The following ABHD3 variants were observed in gnomAD, a reference collection of about 807,000 sequenced individuals.
The protein encoded by ABHD3 is phospholipase ABHD3.
In ABHD3, 46 loss-of-function variants were observed where a neutral mutation model predicts 48.8. The ratio of observed to expected loss-of-function variants is 0.94; its 90% CI spans 0.74 to 1.20. The LOEUF is 1.20. Ranked by LOEUF, ABHD3 falls within the 50% of genes most tolerant of loss-of-function variation. The pLI, the probability that ABHD3 is intolerant of heterozygous loss-of-function variation, is 0.00. For synonymous variants in ABHD3, 192 were observed against 183.7 expected, an observed-to-expected ratio of 1.04 and a Z score of -0.36; for missense variants, 490 against 497.8, an observed-to-expected ratio of 0.98 and a Z score of 0.15.
chr18:21,679,244 T>C (rs1458062741), intron 4 of ABHD3, among the ~76,000 whole-genome samples: 1 of 152,218 alleles, frequency 6.6e-6, no homozygotes, highest in Non-Finnish European at 1.5e-5. Flanking sequence ...GTAATTGTTC[T>C]TAGCTTGAAG....
In ABHD3 at chr18:21,682,825, T is replaced by G. The variant is rs535220836; in HGVS notation, c.555+1095A>C. 1.3e-4 allele frequency: 20 copies of G among 152,324 alleles called. No homozygotes were observed. In the East Asian group the frequency reaches 3.3e-3, roughly 25 times the overall value. The allele number at this position is 152,324 out of a possible 1,614,324, so 9.4% of individuals were successfully genotyped here. A position where few individuals can be genotyped will look rare whatever the true frequency, so the allele number is the denominator to read the frequency against. On this transcript the variant is annotated intron_variant, in intron 4 of 8. Coordinates refer to ENST00000289119, the MANE Select transcript of ABHD3 (RefSeq NM_138340.5). Reference sequence around the variant, plus strand: ...CTGGGCCAGGGCCACAGTGACACATTCAAATCTTTCCCTTTAGAGTACTAT... The same window carrying G: ...CTGGGCCAGGGCCACAGTGACACATGCAAATCTTTCCCTTTAGAGTACTAT...
At chr18:21,669,982 A>G (rs970020540) in intron 4 of ABHD3, among the ~76,000 whole-genome samples, 1 of 152,154 alleles carries the variant, frequency 6.6e-6, no homozygotes, top group African/African-American at 2.4e-5. Flanking sequence ...CAGGAAGTCA[A>G]TAAGAAAATG....
At chr18:21,698,312 A>G (rs1419231091) in intron 3 of ABHD3, among the ~76,000 whole-genome samples, 1 of 151,660 alleles carries the variant, frequency 6.6e-6, no homozygotes, top group Non-Finnish European at 1.5e-5. Flanking sequence ...CAGTCTCCCA[A>G]GTTGCTGGGA....
At chr18:21,697,902 T>C (rs1478288650) in intron 3 of ABHD3, among the ~76,000 whole-genome samples, 2 of 152,120 alleles carry the variant, frequency 1.3e-5, no homozygotes, top group Non-Finnish European at 2.9e-5. Context: ...TTAGGTTCTC[T>C]CTAATGTCTA....
At chr18:21,693,507 C>T (rs2040299681) in intron 3 of ABHD3, among the ~76,000 whole-genome samples, 1 of 152,170 alleles carries the variant, frequency 6.6e-6, no homozygotes, top group Admixed American at 6.5e-5. Flanking sequence ...GTGCTCTGAA[C>T]ACAGAGTACC....
At chr18:21,680,611 C>G (rs888991037) in intron 4 of ABHD3, among the ~76,000 whole-genome samples, 31 of 152,112 alleles carry the variant, frequency 2.0e-4, no homozygotes, top group Admixed American at 6.6e-5. Context: ...TTAACTGACA[C>G]ACTGTGTAAG....
chr18:21,702,225 A>G, intron 3 of ABHD3, 91 bp downstream of exon 3: 1 of 1,147,918 alleles, frequency 8.7e-7, no homozygotes, highest in Admixed American at 2.9e-5. Flanking sequence ...CTATGCAAGA[A>G]GTACTAAGTA....
At chr18:21,698,394 C>T (rs1479912205) in intron 3 of ABHD3, among the ~76,000 whole-genome samples, 1 of 151,832 alleles carries the variant, frequency 6.6e-6, no homozygotes, top group Non-Finnish European at 1.5e-5. Flanking sequence ...ACCATGTTGG[C>T]CAGGCTGGTC....
chr18:21,703,625 A>G lies in ABHD3; in HGVS notation c.285T>C (p.Leu95=), dbSNP rs374102085. 5.6e-6 allele frequency: 9 copies of G among 1,614,006 alleles called. No individual in the cohort carries two copies. In the African/African-American group the frequency reaches 1.2e-4, roughly 22 times the overall value. Residue 95 remains leucine, a synonymous_variant, in exon 2 of 9, where the codon CTT becomes CTC. Coordinates refer to ENST00000289119, the MANE Select transcript of ABHD3 (RefSeq NM_138340.5). ...WCWEGRGQTL[L]RPFITSKPPV... ...GGGGCTTCGAAGTGATGAAAGGTCT[A>G]AGCAGGGTCTGTCCTCGACCCTCCC... is the stretch of plus-strand genomic sequence containing the variant.
intron 3 of ABHD3, among the ~76,000 whole-genome samples, chr18:21,690,330 G>A (rs543120843): frequency 1.1e-4 from 16 of 152,210 alleles, no homozygotes; most frequent in African/African-American, 2.2e-4. Flanking sequence ...TTGTGGGCAC[G>A]GTGACTCACC....
intron 3 of ABHD3, among the ~76,000 whole-genome samples, chr18:21,698,469 G>A (rs1162106166): frequency 1.3e-5 from 2 of 150,120 alleles, no homozygotes; most frequent in Non-Finnish European, 3.0e-5. Context: ...TTACAGGCTT[G>A]AGCCACCACA....
At chr18:21,663,645 C>T in intron 5 of ABHD3, 1 of 1,532,386 alleles carries the variant, frequency 6.5e-7, no homozygotes, top group Non-Finnish European at 8.7e-7. Context: ...TTCCATTTGC[C>T]CAGCAACAAA....
At chr18:21,659,818 A>G (rs983480168) in intron 5 of ABHD3, among the ~76,000 whole-genome samples, 2 of 152,080 alleles carry the variant, frequency 1.3e-5, no homozygotes, top group African/African-American at 2.4e-5. Flanking sequence ...ACAGGCATGC[A>G]TCACCACGCC....
At position 21,672,717 on chromosome 18, in the gene ABHD3, T is replaced by C. The variant is rs558295476; in HGVS notation, c.556-8487A>G. On this transcript the variant is annotated intron_variant, in intron 4 of 8. Coordinates refer to ENST00000289119, the MANE Select transcript of ABHD3 (RefSeq NM_138340.5). ...TCCAGTACCTAACAAATTGCCTAAG[T>C]TGTCCCTAGGAAAATTGATTTTATT... 1.5e-4 allele frequency among the ~76,000 whole-genome samples: 23 copies of C among 152,350 alleles called. No homozygotes were observed. In the South Asian group the frequency reaches 4.6e-3, roughly 30 times the overall value.
intron 5 of ABHD3, among the ~76,000 whole-genome samples, chr18:21,659,962 C>CTTTTT (rs60634505): frequency 8.1e-5 from 6 of 73,860 alleles, no homozygotes; most frequent in African/African-American, 2.4e-4. Flanking sequence ...TGCACCCGGC[C>CTTTTT]TTTTTTTTTT....
intron 3 of ABHD3, among the ~76,000 whole-genome samples, chr18:21,688,718 TAAGA>T (rs966588163): frequency 9.9e-5 from 15 of 152,158 alleles, no homozygotes; most frequent in Admixed American, 3.9e-4. Context: ...CAAAATTGAT[TAAGA>T]AAGGCTTCAT....
chr18:21,654,225 A>G (rs2039294497), intron 8 of ABHD3, among the ~76,000 whole-genome samples: 1 of 152,000 alleles, frequency 6.6e-6, no homozygotes, highest in Admixed American at 6.6e-5. Context: ...CTCCAAATAT[A>G]TATATATAAT....
Position 21,703,694 on chromosome 18 carries a change from G to C in ABHD3, c.216C>G (p.His72Gln). 1 of 1,614,130 alleles carries C rather than the reference G, an allele frequency of 6.2e-7. No homozygotes were observed. The highest frequency in any genetic ancestry group is 1.3e-5 in the African/African-American group (1 of 75,064). The part of the protein sequence containing the change: ...GESFSRFLQD[H>Q]CPVVTETYYP... ...AGTACGTTTCTGTAACCACGGGACA[G>C]TGGTCTTGAAGGAAGCGGCTGAAAC... Residue 72 changes from histidine (H) to glutamine (Q), a missense_variant, in exon 2 of 9, where the codon CAC becomes CAG. Physicochemically the swap from His to Gln is conservative, Grantham distance 24. Transcript: ENST00000289119.
At chr18:21,659,147 AAC>A (rs2039424834) in intron 6 of ABHD3, 21 bp downstream of exon 6, 2 of 1,606,380 alleles carry the variant, frequency 1.2e-6, no homozygotes, top group East Asian at 4.5e-5. Flanking sequence ...CCCTGGAGAC[AAC>A]AGATTTTAAA....
Sources: allele counts gnomAD v4.1 joint callset (sites outside exome capture counted in the v4.1 genomes callset), GRCh38; gene constraint gnomAD v4.1.1; transcripts MANE v1.5; gene names NCBI Gene and HGNC (gene_info 2026-07-23, HGNC 2026-07-21).